The following TNKS variants were observed in gnomAD, a reference collection of about 807,000 sequenced individuals.
The protein encoded by TNKS is poly [ADP-ribose] polymerase tankyrase-1.
TNKS carries 72 observed loss-of-function variants against 135.8 expected under a neutral mutation model. The ratio of observed to expected loss-of-function variants is 0.53; its 90% CI spans 0.44 to 0.64. TNKS has a LOEUF of 0.64. TNKS is among the 30% of genes least tolerant of loss of function. The pLI is 0.00. For missense variants in TNKS, 1,769 were observed against 1,674.0 expected, an observed-to-expected ratio of 1.06 and a Z score of -0.99; for synonymous variants, 849 against 649.3, an observed-to-expected ratio of 1.31 and a Z score of -4.68.
chr8:9,595,196 C>G (rs28538167), intron 2 of TNKS, among the ~76,000 whole-genome samples: 3,177 of 151,384 alleles, frequency 0.021, 109 homozygotes, highest in African/African-American at 0.07. Context: ...TCTCGGCTCA[C>G]TGCAACCTCT....
chr8:9,567,038 A>G (rs538975003), intron 1 of TNKS, among the ~76,000 whole-genome samples: 130 of 152,348 alleles, frequency 8.5e-4, no homozygotes, highest in African/African-American at 2.9e-3. Flanking sequence ...GTTGATAGCA[A>G]TGAGAAATAA....
At chr8:9,574,170 A>C (rs2129052114) in intron 1 of TNKS, among the ~76,000 whole-genome samples, 1 of 152,346 alleles carries the variant, frequency 6.6e-6, no homozygotes, top group South Asian at 2.1e-4. Context: ...TATGTAATAT[A>C]ATGTTATTTT....
intron 3 of TNKS, among the ~76,000 whole-genome samples, chr8:9,655,502 G>A (rs577420020): frequency 3.3e-5 from 5 of 152,298 alleles, no homozygotes; most frequent in South Asian, 2.1e-4. Flanking sequence ...CAGTAGGGGC[G>A]CACTGACACT....
intron 5 of TNKS, among the ~76,000 whole-genome samples, chr8:9,693,336 A>C (rs1378022225): frequency 3.3e-5 from 5 of 151,722 alleles, no homozygotes; most frequent in African/African-American, 1.2e-4. Flanking sequence ...GTGGGAAAAA[A>C]CAGCAACAAA....
chr8:9,621,704 A>G (rs573048299), intron 3 of TNKS, among the ~76,000 whole-genome samples: 2 of 152,340 alleles, frequency 1.3e-5, no homozygotes, highest in African/African-American at 4.8e-5. Context: ...GTCAGACTAT[A>G]TGATTATTTT....
chr8:9,756,486 C>G (rs1014864511), intron 20 of TNKS, among the ~76,000 whole-genome samples: 7 of 151,312 alleles, frequency 4.6e-5, no homozygotes, highest in Non-Finnish European at 8.8e-5. Context: ...ACTAGCCCAA[C>G]AAGCTTGTGA....
rs146128438 is a variant in TNKS at position 9,705,675 on chromosome 8, A to G, written c.1203-512A>G. Among the ~76,000 whole-genome samples, 114 of 152,276 alleles carry G rather than the reference A, an allele frequency of 7.5e-4. No homozygotes were observed. The South Asian group carries it at 8.3e-3, about 11-fold the overall frequency. ...ATGCCTGATGCTCTTGTACATCTCT[A>G]TTTCCTTGTGCATGTCTGAAAACAG... is the stretch of plus-strand genomic sequence containing the variant. On this transcript the variant is annotated intron_variant, in intron 6 of 26. Transcript: ENST00000310430.
Position 9,726,732 on chromosome 8 carries a change from C to T in TNKS, c.2001+12C>T. 8 of 1,602,542 alleles carry T rather than the reference C, an allele frequency of 5.0e-6. No homozygotes were observed. The highest frequency in any genetic ancestry group is 6.8e-6 in the Non-Finnish European group (8 of 1,171,764). On this transcript the variant is annotated intron_variant, in intron 13 of 26. Transcript: ENST00000310430. ...TGGAAACTGTGAAGGTAAGTCAGTG[C>T]CCTTAATATCTGGAATAGCACTGTT...
At chr8:9,650,394 A>G (rs1352481015) in intron 3 of TNKS, among the ~76,000 whole-genome samples, 3 of 152,118 alleles carry the variant, frequency 2.0e-5, no homozygotes, top group Non-Finnish European at 4.4e-5. Flanking sequence ...TAGTCTCCAC[A>G]CTTTCTTCCG....
chr8:9,780,578 G>T lies in TNKS; in HGVS notation c.*3842G>T, dbSNP rs1808416771. The T allele has an allele frequency of 6.6e-6, 1 of 152,196 alleles. No homozygotes were observed. Among genetic ancestry groups the T allele is most frequent in the South Asian group, 2.1e-4 (1 of 4,834 alleles). The allele number at this position is 152,196 out of a possible 1,614,324, so 9.4% of individuals were successfully genotyped here. A position where few individuals can be genotyped will look rare whatever the true frequency, so the allele number is the denominator to read the frequency against. On this transcript the variant is annotated 3_prime_UTR_variant, in exon 27 of 27. Transcript: ENST00000310430. The stretch of plus-strand genomic sequence containing the variant: ...AATGCACTCGAAAACTACTATTCTA[G>T]AACATGAGGCTTCTTCAGCAACTTG...
chr8:9,637,732 T>A (rs922911772), intron 3 of TNKS, among the ~76,000 whole-genome samples: 1 of 152,258 alleles, frequency 6.6e-6, no homozygotes, highest in Admixed American at 6.5e-5. Context: ...GCTTATACTC[T>A]TTGTAAAAGA....
intron 15 of TNKS, among the ~76,000 whole-genome samples, chr8:9,734,355 A>G (rs1362959029): frequency 6.6e-6 from 1 of 152,198 alleles, no homozygotes; most frequent in Non-Finnish European, 1.5e-5. Context: ...TAATACATTT[A>G]TATCTAATTT....
At chr8:9,556,651 T>C in intron 1 of TNKS, 39 bp downstream of exon 1, 1 of 1,609,058 alleles carries the variant, frequency 6.2e-7, no homozygotes, top group Non-Finnish European at 8.5e-7. Flanking sequence ...GGTTATGGGT[T>C]TGGGTGCAGG....
chr8:9,634,700 G>A (rs1250094320), intron 3 of TNKS, among the ~76,000 whole-genome samples: 1 of 152,142 alleles, frequency 6.6e-6, no homozygotes, highest in African/African-American at 2.4e-5. Context: ...CTCTATTTCT[G>A]CTACAGAAAA....
rs1402236986 is a variant in TNKS, at chr8:9,696,264, G to T, written c.1108-8399G>T. Among the ~76,000 whole-genome samples, 5 of 152,272 alleles carry T rather than the reference G, an allele frequency of 3.3e-5. No homozygotes were observed. In the East Asian group the frequency reaches 7.7e-4, roughly 24 times the overall value. ...GAATGAAAACCAACCAGCAAGGACT[G>T]AGAAGGGGTAACCAGCTAGGGAGGA... On this transcript the variant is annotated intron_variant, in intron 5 of 26. Coordinates refer to ENST00000310430, the MANE Select transcript of TNKS (RefSeq NM_003747.3).
At chr8:9,742,114 C>A (rs939110679) in intron 17 of TNKS, among the ~76,000 whole-genome samples, 1 of 152,082 alleles carries the variant, frequency 6.6e-6, no homozygotes, top group African/African-American at 2.4e-5. Flanking sequence ...TTCATCTCAT[C>A]CTTGTATGGA....
At chr8:9,656,408 C>T (rs986602315) in intron 3 of TNKS, among the ~76,000 whole-genome samples, 7 of 152,046 alleles carry the variant, frequency 4.6e-5, no homozygotes, top group African/African-American at 1.2e-4. Flanking sequence ...AGATACTCCT[C>T]GAGAAGAGCA....
intron 3 of TNKS, among the ~76,000 whole-genome samples, chr8:9,665,390 A>G (rs1801939291): frequency 2.0e-5 from 3 of 152,234 alleles, no homozygotes; most frequent in Admixed American, 1.3e-4. Flanking sequence ...AGCAGTTGCC[A>G]GGGAGTCATC....
rs1808307953 is a variant in TNKS at position 9,778,133 on chromosome 8, A to G, written c.*1397A>G. ...TTTTCATCAACATTTACCAAGTGCC[A>G]TTGACATTTATAAAAAAAAATGATC... is the stretch of plus-strand genomic sequence containing the variant. On this transcript the variant is annotated 3_prime_UTR_variant, in exon 27 of 27. Coordinates refer to ENST00000310430, the MANE Select transcript of TNKS (RefSeq NM_003747.3). 1.5e-5 allele frequency: 1 copy of G among 64,678 alleles called. No individual in the cohort carries two copies. Among genetic ancestry groups the G allele is most frequent in the Non-Finnish European group, 3.0e-5 (1 of 33,294 alleles). The allele number at this position is 64,678 out of a possible 1,614,324, so 4.0% of individuals were successfully genotyped here. A position where few individuals can be genotyped will look rare whatever the true frequency, so the allele number is the denominator to read the frequency against.
Sources: gnomAD v4.1 joint callset for allele counts (sites outside exome capture counted in the v4.1 genomes callset) on GRCh38, gnomAD v4.1.1 for gene constraint, MANE v1.5 for transcripts, NCBI Gene and HGNC (gene_info 2026-07-23, HGNC 2026-07-21) for gene names.